The following ADAM19 variants were observed in gnomAD, a reference collection of about 807,000 sequenced individuals.
ADAM19 encodes ADAM metallopeptidase domain 19, also known as disintegrin and metalloproteinase domain-containing protein 19.
Under a neutral mutation model 114.7 loss-of-function variants are expected in ADAM19, and 65 were observed. The ratio of observed to expected loss-of-function variants is 0.57; its 90% CI spans 0.46 to 0.70. The LOEUF (loss-of-function observed/expected upper bound fraction) is 0.70. Ranked by LOEUF, ADAM19 falls within the 30% of genes least tolerant of loss-of-function variation. The pLI is 0.00. For synonymous variants in ADAM19, 466 were observed against 460.5 expected (o/e 1.01, Z -0.15); for missense variants, 1,063 against 1,204.7 (o/e 0.88, Z 1.74).
intron 3 of ADAM19, among the ~76,000 whole-genome samples, chr5:157,540,224 C>CT (rs1561549096): frequency 6.6e-6 from 1 of 152,216 alleles, no homozygotes; most frequent in East Asian, 1.9e-4. Flanking sequence ...GTTTCTCTCT[C>CT]TAACTTTCCC....
intron 3 of ADAM19, among the ~76,000 whole-genome samples, chr5:157,557,497 C>T (rs528346247): frequency 6.6e-6 from 1 of 152,326 alleles, no homozygotes; most frequent in East Asian, 1.9e-4. Flanking sequence ...TGAGTCTGAG[C>T]TTAAGCAATG....
At chr5:157,544,094 G>A (rs941759358) in intron 3 of ADAM19, among the ~76,000 whole-genome samples, 2 of 152,202 alleles carry the variant, frequency 1.3e-5, no homozygotes, top group African/African-American at 4.8e-5. Context: ...GCTGCAAGCA[G>A]ACACATTCCT....
At chr5:157,548,449 T>A (rs1483681844) in intron 3 of ADAM19, among the ~76,000 whole-genome samples, 1 of 152,134 alleles carries the variant, frequency 6.6e-6, no homozygotes, top group Admixed American at 6.5e-5. Context: ...TAACATAAAT[T>A]AGGAATTCTC....
chr5:157,553,572 C>T (rs1312493758), intron 3 of ADAM19, among the ~76,000 whole-genome samples: 1 of 152,096 alleles, frequency 6.6e-6, no homozygotes, highest in Non-Finnish European at 1.5e-5. Flanking sequence ...AGAGGTACAA[C>T]TTGTCAAAAT....
chr5:157,536,066 G>A (rs944474741), intron 4 of ADAM19, among the ~76,000 whole-genome samples: 16 of 152,218 alleles, frequency 1.1e-4, no homozygotes, highest in Non-Finnish European at 2.1e-4. Context: ...GTCCAACTTT[G>A]CTGCAGGCAC....
chr5:157,505,855 C>T (rs766968947), intron 10 of ADAM19, 47 bp from the exon 11 acceptor site: 7 of 1,586,270 alleles, frequency 4.4e-6, no homozygotes, highest in Non-Finnish European at 6.0e-6. Flanking sequence ...GACAGATCTG[C>T]CTCTGCCCCC....
Position 157,575,734 on chromosome 5 carries a change from C to T in ADAM19, c.-38G>A, listed in dbSNP as rs1169859189. 1.6e-6 allele frequency: 2 copies of T among 1,280,350 alleles called. No homozygotes were observed. Among genetic ancestry groups the T allele is most frequent in the Admixed American group, 4.2e-5 (1 of 23,712 alleles). The allele number at this position is 1,280,350 out of a possible 1,614,324, so 79.3% of individuals were successfully genotyped here. A position where few individuals can be genotyped will look rare whatever the true frequency, so the allele number is the denominator to read the frequency against. ...CCTTAGCGCTCGGCGCTCACACGCC[C>T]TCAGCCATACCTGCCCACTGCCCGG... On this transcript the variant is annotated 5_prime_UTR_variant, in exon 1 of 23. Transcript: ENST00000257527.
intron 1 of ADAM19, among the ~76,000 whole-genome samples, chr5:157,572,117 G>A (rs543431579): frequency 9.9e-5 from 15 of 151,680 alleles, no homozygotes; most frequent in African/African-American, 3.6e-4. Context: ...ACGGAGTCTC[G>A]CTTTGTCGCC....
intron 5 of ADAM19, among the ~76,000 whole-genome samples, chr5:157,529,917 T>C (rs115271681): frequency 0.014 from 2,171 of 152,094 alleles, 29 homozygotes; most frequent in Non-Finnish European, 0.019. Context: ...TATCCTTGCC[T>C]TTCCTTTCAC....
intron 1 of ADAM19, 137 bp downstream of exon 1, chr5:157,575,462 CCAGG>C (rs1430612667): frequency 1.7e-6 from 1 of 571,566 alleles, no homozygotes; most frequent in African/African-American, 2.0e-5. Context: ...GCCCGGGCTC[CCAGG>C]CTGGGGACGG....
At chr5:157,497,433 T>C (rs1038723604) in intron 13 of ADAM19, among the ~76,000 whole-genome samples, 2 of 152,232 alleles carry the variant, frequency 1.3e-5, no homozygotes, top group African/African-American at 2.4e-5. Context: ...AGTACAAATA[T>C]GACTTCACTT....
Position 157,480,654 on chromosome 5 carries a change from T to G in ADAM19, c.*295A>C. ...AGCATCTCCATCAGCACCTCGGGGCTAGGAGTCTGGAGGAGAAGCTGCCAG... is the reference window on the plus strand; with the variant it reads ...AGCATCTCCATCAGCACCTCGGGGCGAGGAGTCTGGAGGAGAAGCTGCCAG... On this transcript the variant is annotated 3_prime_UTR_variant, in exon 23 of 23. Coordinates refer to ENST00000257527, the MANE Select transcript of ADAM19 (RefSeq NM_033274.5). 8.2e-7 allele frequency: 1 copy of G among 1,223,916 alleles called. No homozygotes were observed. Among genetic ancestry groups the G allele is most frequent in the Non-Finnish European group, 1.0e-6 (1 of 974,612 alleles). The allele number at this position is 1,223,916 out of a possible 1,614,324, so 75.8% of individuals were successfully genotyped here. A position where few individuals can be genotyped will look rare whatever the true frequency, so the allele number is the denominator to read the frequency against.
At chr5:157,521,048 G>A (rs72811309) in intron 5 of ADAM19, among the ~76,000 whole-genome samples, 11,807 of 152,236 alleles carry the variant, frequency 0.078, 586 homozygotes, top group Middle Eastern at 0.17. Flanking sequence ...ATTGGAATAA[G>A]TCACTCTAAT....
intron 7 of ADAM19, among the ~76,000 whole-genome samples, chr5:157,516,749 G>A (rs1321917309): frequency 6.6e-6 from 1 of 152,076 alleles, no homozygotes; most frequent in East Asian, 1.9e-4. Context: ...AGAGTCAGAG[G>A]AGCTCAGTTT....
chr5:157,503,631 T>A (rs1755640666), intron 11 of ADAM19, among the ~76,000 whole-genome samples: 1 of 152,230 alleles, frequency 6.6e-6, no homozygotes, highest in African/African-American at 2.4e-5. Context: ...GGGGCTGCGA[T>A]AAGTAAAGGG....
intron 8 of ADAM19, 56 bp from the exon 9 acceptor site, chr5:157,509,523 C>A: frequency 7.6e-7 from 1 of 1,313,354 alleles, no homozygotes; most frequent in Non-Finnish European, 1.0e-6. Flanking sequence ...GATTTAAAAG[C>A]CCCTTCCTTT....
chr5:157,496,920 T>A lies in ADAM19; in HGVS notation c.1568A>T (p.Glu523Val). The change falls in exon 14 of 23, where the codon GAG becomes GTG. Residue 523 changes from glutamate (E) to valine (V), a missense_variant. By Grantham distance (121) the Glu-to-Val change is moderately radical. Coordinates refer to ENST00000257527, the MANE Select transcript of ADAM19 (RefSeq NM_033274.5). The part of the protein sequence containing the change: ...CYNGMCLTYQ[E>V]QCQQLWGPGA... ...GGGTCCCCACAGCTGCTGGCACTGC[T>A]CCTGGTAGGTGAGGCACATGCCGTT... The A allele has an allele frequency of 1.9e-6, 3 of 1,592,904 alleles. No homozygotes were observed. The highest frequency in any genetic ancestry group is 2.6e-6 in the Non-Finnish European group (3 of 1,170,982).
Position 157,575,710 on chromosome 5 carries a change from C to G in ADAM19, c.-14G>C, listed in dbSNP as rs970532839. 1 of 1,312,466 alleles carries G rather than the reference C, an allele frequency of 7.6e-7. No homozygotes were observed. Among genetic ancestry groups the G allele is most frequent in the African/African-American group, 1.5e-5 (1 of 64,658 alleles). 81.3% of individuals were successfully genotyped at this position (1,312,466 alleles called of 1,614,324 possible). On this transcript the variant is annotated 5_prime_UTR_variant, in exon 1 of 23. Transcript: ENST00000257527. ...GCCCCCTGGCATGGTGGCGGCGGCC[C>G]TTAGCGCTCGGCGCTCACACGCCCT...
chr5:157,520,989 C>T (rs528261010), intron 5 of ADAM19, among the ~76,000 whole-genome samples: 42 of 152,244 alleles, frequency 2.8e-4, no homozygotes, highest in African/African-American at 8.4e-4. Context: ...GACGGAATAG[C>T]GAACAAGACA....
Sources: gnomAD v4.1 joint callset for allele counts (sites outside exome capture counted in the v4.1 genomes callset) on GRCh38, gnomAD v4.1.1 for gene constraint, MANE v1.5 for transcripts, NCBI Gene and HGNC (gene_info 2026-07-23, HGNC 2026-07-21) for gene names.